The following GMEB2 variants were observed in gnomAD, a reference collection of about 807,000 sequenced individuals.
The protein encoded by GMEB2 is glucocorticoid modulatory element-binding protein 2.
A neutral mutation model predicts 45.7 loss-of-function variants in GMEB2; 7 were observed. That is an observed-to-expected ratio of 0.15 (90% CI 0.09 to 0.29). GMEB2 has a LOEUF of 0.29. GMEB2 is among the 10% of genes least tolerant of loss of function. GMEB2 has a pLI of 1.00. For synonymous variants in GMEB2, 322 were observed against 323.6 expected, an observed-to-expected ratio of 1.00 and a Z score of 0.05; for missense variants, 582 against 739.2, an observed-to-expected ratio of 0.79 and a Z score of 2.47.
At position 63,588,657 on chromosome 20, in the gene GMEB2, C is replaced by G; in HGVS notation, c.*1432G>C. The stretch of plus-strand genomic sequence containing the variant: ...GGCCGCTCACTGGACGGACAGCCAG[C>G]CAGTTCCCTTCGGAGCAGTGAAGTG... On this transcript the variant is annotated 3_prime_UTR_variant, in exon 10 of 10. Coordinates refer to ENST00000370077, the MANE Select transcript of GMEB2 (RefSeq NM_012384.5). 1 of 398,026 alleles carries G rather than the reference C, an allele frequency of 2.5e-6. No homozygotes were observed. The highest frequency in any genetic ancestry group is 4.4e-6 in the Non-Finnish European group (1 of 226,090). 24.7% of individuals were successfully genotyped at this position (398,026 alleles called of 1,614,324 possible). A position where few individuals can be genotyped will look rare whatever the true frequency, so the allele number is the denominator to read the frequency against.
rs886943844 is a variant in GMEB2 at position 63,593,621 on chromosome 20, C to T, written c.620-539G>A. Among the ~76,000 whole-genome samples the T allele has an allele frequency of 1.3e-5, 2 of 152,152 alleles. No homozygotes were observed. The highest frequency in any genetic ancestry group is 4.8e-5 in the African/African-American group (2 of 41,426). On this transcript the variant is annotated intron_variant, in intron 6 of 9. Transcript: ENST00000370077. This position sits in a 1 kb window ranked among gnomAD's most constrained non-coding sequence, Gnocchi z 4.7. Reference sequence around the variant, plus strand: ...AGAGACAGAAACCGTCCTGGCTCTTCCTGTGGGTCCCTCTCTCGCGCCTGC... The same window carrying T: ...AGAGACAGAAACCGTCCTGGCTCTTTCTGTGGGTCCCTCTCTCGCGCCTGC...
chr20:63,605,010 G>C, intron 2 of GMEB2, 170 bp from the exon 3 acceptor site: 1 of 553,362 alleles, frequency 1.8e-6, no homozygotes, highest in Admixed American at 2.8e-5. Flanking sequence ...CAGCACTTTG[G>C]GAGGCTGAGG....
chr20:63,589,679 G>C lies in GMEB2; in HGVS notation c.*410C>G, dbSNP rs2083126526. 5.5e-6 allele frequency: 1 copy of C among 183,106 alleles called. No homozygotes were observed. The highest frequency in any genetic ancestry group is 2.3e-5 in the African/African-American group (1 of 42,826). 11.3% of individuals were successfully genotyped at this position (183,106 alleles called of 1,614,324 possible). On this transcript the variant is annotated 3_prime_UTR_variant, in exon 10 of 10. Transcript: ENST00000370077. ...AGGGACCTGGCTGGGTGCAGACATG[G>C]GGGCCTCGTGACCTGCTGCACCGCG...
Position 63,588,759 on chromosome 20 carries a change from A to C in GMEB2, c.*1330T>G. ...CAGAATCAGCAGGAGCGTCCAGGGG[A>C]ATCTGGCACTCAGGGTCCTCCCGGG... On this transcript the variant is annotated 3_prime_UTR_variant, in exon 10 of 10. Transcript: ENST00000370077. 2.5e-6 allele frequency: 1 copy of C among 398,682 alleles called. No individual in the cohort carries two copies. Among genetic ancestry groups the C allele is most frequent in the Non-Finnish European group, 4.4e-6 (1 of 226,084 alleles). 24.7% of individuals were successfully genotyped at this position (398,682 alleles called of 1,614,324 possible).
rs778956836 is a variant in GMEB2 at position 63,622,894 on chromosome 20, C to T, written c.-57-3440G>A. ...CCACCCGCAGCAAAGACCCCGCACG[C>T]GTTACTGACGCCAGCCTGGCCTGGG... On this transcript the variant is annotated intron_variant, in intron 1 of 9. Coordinates refer to ENST00000370077, the MANE Select transcript of GMEB2 (RefSeq NM_012384.5). 2.0e-5 allele frequency among the ~76,000 whole-genome samples: 3 copies of T among 152,180 alleles called. No individual in the cohort carries two copies. In the East Asian group the frequency reaches 5.8e-4, roughly 29 times the overall value.
chr20:63,600,760 T>C (rs1291352279), intron 4 of GMEB2, among the ~76,000 whole-genome samples: 2 of 148,486 alleles, frequency 1.3e-5, no homozygotes, highest in Non-Finnish European at 3.0e-5. Context: ...CTTCTCAGCC[T>C]GTCTGTGTTT....
At chr20:63,595,215 G>A (rs1350537308) in intron 6 of GMEB2, among the ~76,000 whole-genome samples, 1 of 151,214 alleles carries the variant, frequency 6.6e-6, no homozygotes, top group Non-Finnish European at 1.5e-5. Context: ...GGGAGCACAG[G>A]CGCGCAGTTC....
At chr20:63,616,638 C>T (rs1018463938) in intron 2 of GMEB2, among the ~76,000 whole-genome samples, 1 of 152,190 alleles carries the variant, frequency 6.6e-6, no homozygotes, top group African/African-American at 2.4e-5. Context: ...TCAGTTTATA[C>T]CCCAAATCCG....
intron 6 of GMEB2, among the ~76,000 whole-genome samples, chr20:63,594,165 G>A (rs2083175010): frequency 6.6e-6 from 1 of 152,258 alleles, no homozygotes; most frequent in Admixed American, 6.5e-5. Context: ...GTTTTTCCGA[G>A]TTGGGGCTGG....
rs1232910720 is a variant in GMEB2, at chr20:63,595,731, C to T, written c.498G>A (p.Gln166=). The T allele has an allele frequency of 6.2e-7, 1 of 1,613,798 alleles. No homozygotes were observed. The highest frequency in any genetic ancestry group is 2.2e-5 in the East Asian group (1 of 44,896). Residue 166 remains glutamine (Q), a synonymous_variant, in exon 6 of 10, where the codon CAG becomes CAA. Transcript: ENST00000370077. ...IMDSGELDFY[Q]HDKVCSNTCR... The stretch of plus-strand genomic sequence containing the variant: ...AGGTGTTGGAGCAGACCTTGTCATG[C>T]TGGTAGAAGTCCAGTTCCCCGGAGT...
chr20:63,591,998 G>A (rs1442053964), intron 9 of GMEB2, 24 bp downstream of exon 9: 8 of 1,592,818 alleles, frequency 5.0e-6, no homozygotes, highest in East Asian at 4.5e-5. Flanking sequence ...CCCAGGGGAC[G>A]GGACGGGGGT....
At position 63,604,806 on chromosome 20, in the gene GMEB2, T is replaced by C. The variant is rs1160940690; in HGVS notation, c.166A>G (p.Asn56Asp). Residue 56 changes from asparagine (N) to aspartate (D), a missense_variant, in exon 3 of 10, where the codon AAT becomes GAT. This residue lies in a region of GMEB2 where 114 missense variants were observed against 123.4 expected (regional missense o/e 0.92). Transcript: ENST00000370077. ...DLTEDNMETE[N>D]AAAAAAAAFT... Reference sequence around the variant, plus strand: ...GCCGCGGCAGCTGCTGCCGCTGCATTTTCTGTCTCCATGTTATCTTCCGTC... The same window carrying C: ...GCCGCGGCAGCTGCTGCCGCTGCATCTTCTGTCTCCATGTTATCTTCCGTC... 6.2e-7 allele frequency: 1 copy of C among 1,611,778 alleles called. No homozygotes were observed. The highest frequency in any genetic ancestry group is 8.5e-7 in the Non-Finnish European group (1 of 1,178,070).
intron 2 of GMEB2, among the ~76,000 whole-genome samples, chr20:63,605,821 G>A (rs751639899): frequency 6.6e-6 from 1 of 152,146 alleles, no homozygotes; most frequent in Non-Finnish European, 1.5e-5. Flanking sequence ...CAGGCGTGGT[G>A]GTACACACCT....
intron 2 of GMEB2, among the ~76,000 whole-genome samples, chr20:63,611,745 T>C (rs2089572372): frequency 6.6e-6 from 1 of 152,040 alleles, no homozygotes; most frequent in Non-Finnish European, 1.5e-5. Context: ...CGGCCAGACA[T>C]GGTGGCTCAA....
intron 3 of GMEB2, among the ~76,000 whole-genome samples, chr20:63,603,372 C>A (rs985109592): frequency 1.1e-4 from 16 of 152,184 alleles, no homozygotes; most frequent in Admixed American, 9.2e-4. Flanking sequence ...TAAAATCAAA[C>A]TTTAATTGAA....
At position 63,604,817 on chromosome 20, in the gene GMEB2, A is replaced by C; in HGVS notation, c.155T>G (p.Met52Arg). 1 of 1,610,138 alleles carries C rather than the reference A, an allele frequency of 6.2e-7. No homozygotes were observed. Among genetic ancestry groups the C allele is most frequent in the Non-Finnish European group, 8.5e-7 (1 of 1,176,494 alleles). The change falls in exon 3 of 10, where the codon ATG becomes AGG. Residue 52 changes from methionine (M) to arginine (R), a missense_variant. Coordinates refer to ENST00000370077, the MANE Select transcript of GMEB2 (RefSeq NM_012384.5). ...TGCTGCCGCTGCATTTTCTGTCTCC[A>C]TGTTATCTTCCGTCAGGTCGCCCCT... Reference protein sequence around the residue: ...PHGGDLTEDNMETENAAAAAA... With the variant: ...PHGGDLTEDNRETENAAAAAA...
chr20:63,614,114 C>T (rs954750853), intron 2 of GMEB2, among the ~76,000 whole-genome samples: 14 of 151,924 alleles, frequency 9.2e-5, no homozygotes, highest in South Asian at 6.2e-4. Flanking sequence ...ACCGAGGGCA[C>T]GAGCTGTTCC....
chr20:63,605,059 T>C (rs1279527963), intron 2 of GMEB2, among the ~76,000 whole-genome samples: 1 of 151,776 alleles, frequency 6.6e-6, no homozygotes, highest in Non-Finnish European at 1.5e-5. Context: ...GAGACCAGCC[T>C]GGCCAACACG....
intron 2 of GMEB2, among the ~76,000 whole-genome samples, chr20:63,607,092 C>T (rs1040446157): frequency 6.6e-6 from 1 of 150,708 alleles, no homozygotes; most frequent in African/African-American, 2.4e-5. Flanking sequence ...AGAAACATGC[C>T]CCTCTAACCC....
Sources: gnomAD v4.1 joint callset for allele counts (sites outside exome capture counted in the v4.1 genomes callset) on GRCh38, gnomAD v4.1.1 for gene constraint, gnomAD v4.1.1 regional missense constraint, Gnocchi (gnomAD v3.1) non-coding constraint, MANE v1.5 for transcripts, NCBI Gene and HGNC (gene_info 2026-07-23, HGNC 2026-07-21) for gene names.